DNAJC7: variants seen among roughly 807,000 people sequenced by gnomAD.
The protein encoded by DNAJC7 is dnaJ homolog subfamily C member 7.
In DNAJC7, 18 loss-of-function variants were observed where a neutral mutation model predicts 67.4. The observed-to-expected ratio is 0.27, with a 90% CI of 0.18 to 0.40. The LOEUF (loss-of-function observed/expected upper bound fraction) is 0.40, where lower values mean the gene tolerates loss of function less well. DNAJC7 is among the 10% of genes least tolerant of loss of function. DNAJC7 has a pLI of 1.00. For missense variants in DNAJC7, 419 were observed against 613.8 expected (o/e 0.68, Z 3.35); for synonymous variants, 220 against 207.8 (o/e 1.06, Z -0.50).
intron 2 of DNAJC7, among the ~76,000 whole-genome samples, chr17:41,999,195 G>A (rs551962207): frequency 1.3e-5 from 2 of 151,976 alleles, no homozygotes; most frequent in South Asian, 2.1e-4. Flanking sequence ...CAATTCTCCT[G>A]CCTCAGCCTC....
rs369026216 is a variant in DNAJC7 at position 41,989,813 on chromosome 17, C to T, written c.600-256G>A. On this transcript the variant is annotated intron_variant, in intron 6 of 13. Coordinates refer to ENST00000457167, the MANE Select transcript of DNAJC7 (RefSeq NM_003315.4). ...AAACTACAGCCCACAGGGCCAAATC[C>T]TTTCTGCCACTGGTTTTTGTAAATA... Among the ~76,000 whole-genome samples the T allele has an allele frequency of 6.6e-4, 100 of 152,348 alleles. 1 individual carries two copies. The South Asian group carries it at 0.02, about 30-fold the overall frequency.
In DNAJC7 at chr17:42,017,388, A is replaced by G; in HGVS notation, c.29T>C (p.Val10Ala). 1 of 1,609,916 alleles carries G rather than the reference A, an allele frequency of 6.2e-7. No homozygotes were observed. Among genetic ancestry groups the G allele is most frequent in the African/African-American group, 1.3e-5 (1 of 75,074 alleles). The change falls in exon 1 of 14, where the codon GTA (valine) becomes GCA (alanine). Residue 10 changes from valine to alanine, a missense_variant. Val to Ala is a moderately conservative substitution (Grantham distance 64, BLOSUM62 0). Transcript: ENST00000457167. The part of the protein sequence containing the change: MAAAAECDV[V>A]MAATEPELLD... Reference sequence around the variant, plus strand: ...CAGCTCCGGCTCGGTCGCCGCCATTACCACATCGCACTCCGCGGCAGCCGC... The same window carrying G: ...CAGCTCCGGCTCGGTCGCCGCCATTGCCACATCGCACTCCGCGGCAGCCGC...
chr17:41,987,032 T>A (rs1017170695), intron 9 of DNAJC7, among the ~76,000 whole-genome samples: 5 of 152,100 alleles, frequency 3.3e-5, no homozygotes, highest in Non-Finnish European at 5.9e-5. Context: ...AGACGGGAAG[T>A]TTTTCTCCGC....
At chr17:42,000,445 T>C (rs367748824) in intron 2 of DNAJC7, 37 bp downstream of exon 2, 72 of 1,505,188 alleles carry the variant, frequency 4.8e-5, no homozygotes, top group Non-Finnish European at 6.3e-5. Flanking sequence ...ATTTGGCAAG[T>C]AAATGTTTTC....
At chr17:42,009,393 G>A (rs2052058481) in intron 1 of DNAJC7, among the ~76,000 whole-genome samples, 1 of 152,220 alleles carries the variant, frequency 6.6e-6, no homozygotes, top group Admixed American at 6.5e-5. Flanking sequence ...TGTTCAGGCA[G>A]GGACGGACAC....
chr17:41,983,990 C>T (rs2051313284), intron 9 of DNAJC7, among the ~76,000 whole-genome samples: 1 of 152,178 alleles, frequency 6.6e-6, no homozygotes, highest in Non-Finnish European at 1.5e-5. Context: ...GGTTGAAACA[C>T]ACAAGAGAAA....
intron 1 of DNAJC7, among the ~76,000 whole-genome samples, chr17:42,009,373 C>G (rs2052057882): frequency 6.6e-6 from 1 of 152,224 alleles, no homozygotes; most frequent in Non-Finnish European, 1.5e-5. Flanking sequence ...AAAGCAGCAG[C>G]ACTCCCTACT....
intron 1 of DNAJC7, among the ~76,000 whole-genome samples, chr17:42,012,298 C>T (rs543618465): frequency 1.7e-4 from 26 of 152,312 alleles, no homozygotes; most frequent in African/African-American, 6.3e-4. Flanking sequence ...TCCTGGCCAA[C>T]ATGGTAAAAC....
chr17:41,994,918 T>A lies in DNAJC7; in HGVS notation c.432A>T (p.Glu144Asp), dbSNP rs1555648362. The change falls in exon 5 of 14, where the codon GAA (glutamate) becomes GAT (aspartate). Residue 144 changes from glutamate (E) to aspartate (D), a missense_variant. Around this residue, in one of 4 missense-constraint regions of DNAJC7, gnomAD observed 179 missense variants for 249.7 expected, o/e 0.72. Coordinates refer to ENST00000457167, the MANE Select transcript of DNAJC7 (RefSeq NM_003315.4). ...AATCTGTTTCTGCTATTTTCTCATATTCCATGACTGCATTAGCATTCTTGA... is the reference window on the plus strand; with the variant it reads ...AATCTGTTTCTGCTATTTTCTCATAATCCATGACTGCATTAGCATTCTTGA... ...QEFKNANAVM[E>D]YEKIAETDFE... The A allele has an allele frequency of 1.2e-6, 2 of 1,614,016 alleles. No homozygotes were observed. The highest frequency in any genetic ancestry group is 2.7e-5 in the African/African-American group (2 of 75,072).
At chr17:41,978,487 T>G (rs1213420082) in intron 12 of DNAJC7, among the ~76,000 whole-genome samples, 2 of 152,164 alleles carry the variant, frequency 1.3e-5, no homozygotes, top group Non-Finnish European at 2.9e-5. Context: ...CCATTCTCCT[T>G]ACTCCCTCCA....
intron 8 of DNAJC7, 40 bp from the exon 9 acceptor site, chr17:41,987,950 T>G: frequency 7.1e-6 from 11 of 1,554,596 alleles, no homozygotes; most frequent in Non-Finnish European, 9.7e-6. Flanking sequence ...ACACCTTTGG[T>G]GACTGAGGGA....
intron 9 of DNAJC7, chr17:41,987,506 T>TAC (rs1309538476): frequency 5.1e-5 from 17 of 330,180 alleles, no homozygotes; most frequent in African/African-American, 3.2e-4. Context: ...AGCATAAGTG[T>TAC]ACAACACAAA....
At chr17:41,993,210 A>T (rs897676431) in intron 5 of DNAJC7, among the ~76,000 whole-genome samples, 1 of 152,254 alleles carries the variant, frequency 6.6e-6, no homozygotes, top group Non-Finnish European at 1.5e-5. Flanking sequence ...CTGTAATCCC[A>T]GCACTTTGGG....
chr17:41,977,884 A>G (rs1008789271), intron 12 of DNAJC7, among the ~76,000 whole-genome samples: 4 of 152,092 alleles, frequency 2.6e-5, no homozygotes. Flanking sequence ...TGAGCCCAGG[A>G]GTTCAAGGCT....
At position 41,989,483 on chromosome 17, in the gene DNAJC7, C is replaced by A; in HGVS notation, c.674G>T (p.Cys225Phe). The A allele has an allele frequency of 6.2e-7, 1 of 1,614,048 alleles. No individual in the cohort carries two copies. The highest frequency in any genetic ancestry group is 8.5e-7 in the Non-Finnish European group (1 of 1,179,902). The change falls in exon 7 of 14, where the codon TGT becomes TTT. Residue 225 changes from cysteine (C) to phenylalanine (F), a missense_variant. Cys to Phe is a radical substitution (Grantham distance 205). Coordinates refer to ENST00000457167, the MANE Select transcript of DNAJC7 (RefSeq NM_003315.4). ...GAAAAACTGAACTGCCTTCTCAATA[C>A]AATCTTCGTAATAAAGGCAAAGACC... ...VRGLCLYYEDCIEKAVQFFVQ... is the reference protein window; with the variant it reads ...VRGLCLYYEDFIEKAVQFFVQ...
chr17:41,983,696 T>C (rs2051305732), intron 9 of DNAJC7, 60 bp from the exon 10 acceptor site: 2 of 1,478,188 alleles, frequency 1.4e-6, no homozygotes, highest in Non-Finnish European at 1.9e-6. Flanking sequence ...GTTCTCAGGA[T>C]CACTCTAGGG....
intron 4 of DNAJC7, 95 bp downstream of exon 4, chr17:41,996,216 A>G (rs2051653231): frequency 2.5e-6 from 3 of 1,211,400 alleles, no homozygotes; most frequent in South Asian, 1.3e-5. Flanking sequence ...CTGATGGCAG[A>G]AGTGAGACTA....
At position 41,989,457 on chromosome 17, in the gene DNAJC7, C is replaced by A. The variant is rs201946741; in HGVS notation, c.700G>T (p.Val234Leu). 9 of 1,613,990 alleles carry A rather than the reference C, an allele frequency of 5.6e-6. No individual in the cohort carries two copies. The Admixed American group carries it at 6.7e-5, about 12-fold the overall frequency. Residue 234 changes from valine to leucine, a missense_variant, in exon 7 of 14, where the codon GTA (valine) becomes TTA (leucine). Around this residue, in one of 4 missense-constraint regions of DNAJC7, gnomAD observed 179 missense variants for 249.7 expected, o/e 0.72. Coordinates refer to ENST00000457167, the MANE Select transcript of DNAJC7 (RefSeq NM_003315.4). ...DCIEKAVQFF[V>L]QALRMAPDHE... ...TCAGGAGCCATCCTGAGAGCCTGTA[C>A]GAAAAACTGAACTGCCTTCTCAATA... is the stretch of plus-strand genomic sequence containing the variant.
At chr17:42,015,247 T>C (rs924960969) in intron 1 of DNAJC7, 2 of 152,158 alleles carry the variant, frequency 1.3e-5, no homozygotes, top group African/African-American at 4.8e-5. Flanking sequence ...CCCAAAGTGC[T>C]GGGATTACAG....
Sources: allele counts gnomAD v4.1 joint callset (sites outside exome capture counted in the v4.1 genomes callset), GRCh38; gene constraint gnomAD v4.1.1; regional missense constraint gnomAD v4.1.1; transcripts MANE v1.5; gene names NCBI Gene and HGNC (gene_info 2026-07-23, HGNC 2026-07-21).